GUCY1B1: variants seen among roughly 807,000 people sequenced by gnomAD.
GUCY1B1 encodes the protein guanylate cyclase soluble subunit beta-1.
A neutral mutation model predicts 71.0 loss-of-function variants in GUCY1B1; 43 were observed. The ratio of observed to expected loss-of-function variants is 0.61; its 90% CI spans 0.47 to 0.78. The LOEUF is 0.78. GUCY1B1 is among the 30% of genes least tolerant of loss of function. The pLI, the probability that GUCY1B1 is intolerant of heterozygous loss-of-function variation, is 0.00. For missense variants in GUCY1B1, 535 were observed against 754.1 expected (o/e 0.71, Z 3.40); for synonymous variants, 266 against 259.7 (o/e 1.02, Z -0.23).
intron 2 of GUCY1B1, among the ~76,000 whole-genome samples, chr4:155,761,965 C>A (rs1019343494): frequency 3.9e-5 from 6 of 152,148 alleles, no homozygotes; most frequent in Non-Finnish European, 7.4e-5. Flanking sequence ...AGTGTTGATT[C>A]TTTATTTGTC....
chr4:155,768,460 T>G (rs111667844), intron 2 of GUCY1B1, among the ~76,000 whole-genome samples: 1,220 of 82,600 alleles, frequency 0.015, 23 homozygotes, highest in African/African-American at 0.064. Flanking sequence ...TTGTTTGTTT[T>G]TTTTTTTTTT....
chr4:155,775,716 G>A (rs1358427587), intron 3 of GUCY1B1, among the ~76,000 whole-genome samples: 1 of 152,172 alleles, frequency 6.6e-6, no homozygotes, highest in African/African-American at 2.4e-5. Flanking sequence ...TATAATATGT[G>A]TTTCTCCAAA....
rs148126093 is a variant in GUCY1B1 at position 155,773,448 on chromosome 4, A to G, written c.78-1520A>G. Among the ~76,000 whole-genome samples the G allele has an allele frequency of 3.6e-3, 544 of 152,304 alleles. 4 individuals carry two copies. The highest frequency in any genetic ancestry group is 5.2e-3 in the South Asian group (25 of 4,828). The stretch of plus-strand genomic sequence containing the variant: ...ACAATTATAATTTTCTTTCACTAGT[A>G]CTGTGTATGTTTTGAGCTACTGTGT... On this transcript the variant is annotated intron_variant, in intron 2 of 13. Transcript: ENST00000264424.
At chr4:155,779,395 AAG>A (rs1738267901) in intron 4 of GUCY1B1, among the ~76,000 whole-genome samples, 1 of 152,206 alleles carries the variant, frequency 6.6e-6, no homozygotes, top group Non-Finnish European at 1.5e-5. Flanking sequence ...AAAAGAATAA[AAG>A]ATGGCTCATT....
intron 13 of GUCY1B1, 91 bp downstream of exon 13, chr4:155,805,320 A>G (rs1334549730): frequency 9.2e-7 from 1 of 1,091,306 alleles, no homozygotes; most frequent in Non-Finnish European, 1.3e-6. Flanking sequence ...ATTTCATTTG[A>G]AAAGAATTCT....
intron 5 of GUCY1B1, among the ~76,000 whole-genome samples, chr4:155,792,295 AG>A (rs1281463069): frequency 6.6e-6 from 1 of 152,186 alleles, no homozygotes; most frequent in African/African-American, 2.4e-5. Flanking sequence ...GTTTGATCAA[AG>A]CAAAAAAATT....
At position 155,796,378 on chromosome 4, in the gene GUCY1B1, A is replaced by G. The variant is rs1325019796; in HGVS notation, c.845A>G (p.Glu282Gly). The G allele has an allele frequency of 1.9e-6, 3 of 1,612,120 alleles. No homozygotes were observed. In the African/African-American group the frequency reaches 4.0e-5, roughly 22 times the overall value. Residue 282 changes from glutamate (E) to glycine (G), a missense_variant and splice_region_variant, in exon 8 of 14, where the codon GAA (glutamate) becomes GGA (glycine). Glu to Gly is a moderately conservative substitution (Grantham distance 98). Coordinates refer to ENST00000264424, the MANE Select transcript of GUCY1B1 (RefSeq NM_000857.5). ...INTVFVLRSK[E>G]GLLDVEKLEC... ...ATGGTTGTATCTTGCCTTTTCAAGG[A>G]AGGATTGTTGGATGTGGAGAAATTA...
intron 8 of GUCY1B1, among the ~76,000 whole-genome samples, chr4:155,797,904 T>C (rs1456286986): frequency 6.6e-6 from 1 of 151,902 alleles, no homozygotes; most frequent in African/African-American, 2.4e-5. Flanking sequence ...GAAACAAAAC[T>C]AAGAAACATA....
At chr4:155,761,741 A>C (rs985584764) in intron 2 of GUCY1B1, among the ~76,000 whole-genome samples, 3 of 152,260 alleles carry the variant, frequency 2.0e-5, no homozygotes, top group African/African-American at 7.2e-5. Context: ...CTACTTTAAA[A>C]AATTATTTAT....
chr4:155,782,569 A>C (rs532483660), intron 4 of GUCY1B1, among the ~76,000 whole-genome samples: 3 of 152,104 alleles, frequency 2.0e-5, no homozygotes, highest in African/African-American at 7.2e-5. Flanking sequence ...GGCACATTCT[A>C]TTTTCCCTAA....
chr4:155,784,160 C>A (rs3822005), intron 4 of GUCY1B1, among the ~76,000 whole-genome samples: 97,797 of 151,920 alleles, frequency 0.64, 32,562 homozygotes, highest in Middle Eastern at 0.82. Context: ...ATAGCTTTAA[C>A]GCTATTTCCA....
intron 4 of GUCY1B1, among the ~76,000 whole-genome samples, chr4:155,786,880 A>T (rs1738835746): frequency 1.3e-5 from 2 of 152,050 alleles, no homozygotes; most frequent in South Asian, 4.2e-4. Flanking sequence ...AAGTGCTGGG[A>T]TTACAGGTGT....
intron 4 of GUCY1B1, among the ~76,000 whole-genome samples, chr4:155,784,057 A>G (rs1474060320): frequency 6.6e-6 from 1 of 152,138 alleles, no homozygotes; most frequent in African/African-American, 2.4e-5. Context: ...CTTTTTTAAC[A>G]TGAGTTTAAA....
intron 4 of GUCY1B1, among the ~76,000 whole-genome samples, chr4:155,781,484 T>G (rs1439120606): frequency 6.6e-6 from 1 of 152,078 alleles, no homozygotes. Context: ...AAATTCAAGT[T>G]TAAAAAATTT....
At chr4:155,769,696 A>G (rs1401641727) in intron 2 of GUCY1B1, among the ~76,000 whole-genome samples, 2 of 152,154 alleles carry the variant, frequency 1.3e-5, no homozygotes, top group Admixed American at 6.5e-5. Flanking sequence ...CTTAGAGTTT[A>G]TATGATATTT....
intron 12 of GUCY1B1, 103 bp downstream of exon 12, chr4:155,804,850 C>G: frequency 1.0e-6 from 1 of 988,022 alleles, no homozygotes; most frequent in South Asian, 1.5e-5. Context: ...GAGTTATCAC[C>G]TTCACTCTTC....
At chr4:155,779,588 T>G (rs539422272) in intron 4 of GUCY1B1, among the ~76,000 whole-genome samples, 1 of 152,316 alleles carries the variant, frequency 6.6e-6, no homozygotes. Context: ...ATCAATATTT[T>G]ACATTATGAT....
intron 8 of GUCY1B1, 102 bp downstream of exon 8, chr4:155,796,612 G>T: frequency 2.7e-6 from 2 of 745,972 alleles, no homozygotes; most frequent in South Asian, 1.9e-5. Context: ...TATTCTCTGA[G>T]GTGTAATTAG....
intron 3 of GUCY1B1, 149 bp downstream of exon 3, chr4:155,775,217 G>A: frequency 1.6e-6 from 1 of 635,220 alleles, no homozygotes; most frequent in Admixed American, 2.8e-5. Context: ...CACATATCAT[G>A]TTAGGCTCAG....
Sources: allele counts gnomAD v4.1 joint callset (sites outside exome capture counted in the v4.1 genomes callset), GRCh38; gene constraint gnomAD v4.1.1; transcripts MANE v1.5; gene names NCBI Gene and HGNC (gene_info 2026-07-23, HGNC 2026-07-21).